The following STAT4 variants were observed in gnomAD, a reference collection of about 807,000 sequenced individuals.
STAT4 encodes the protein signal transducer and activator of transcription 4.
In STAT4, 42 loss-of-function variants were observed where a neutral mutation model predicts 110.5. That is an observed-to-expected ratio of 0.38 (90% CI 0.30 to 0.49). The LOEUF (loss-of-function observed/expected upper bound fraction) is 0.49, where lower values mean the gene tolerates loss of function less well. STAT4 is among the 20% of genes least tolerant of loss of function. The pLI is 0.95. For synonymous variants in STAT4, 284 were observed against 302.2 expected (o/e 0.94, Z 0.63); for missense variants, 632 against 887.9 (o/e 0.71, Z 3.66).
chr2:191,056,692 C>CTA (rs1392206234), intron 13 of STAT4, among the ~76,000 whole-genome samples: 1 of 151,812 alleles, frequency 6.6e-6, no homozygotes, highest in Non-Finnish European at 1.5e-5. Flanking sequence ...TATCTGTAAC[C>CTA]TATCTTTTCT....
intron 3 of STAT4, among the ~76,000 whole-genome samples, chr2:191,098,291 C>G (rs1698061966): frequency 6.6e-6 from 1 of 152,214 alleles, no homozygotes; most frequent in South Asian, 2.1e-4. Flanking sequence ...ATAAATCATT[C>G]TACTATAAAG....
intron 4 of STAT4, among the ~76,000 whole-genome samples, chr2:191,074,460 G>A (rs1212923973): frequency 6.6e-6 from 1 of 152,078 alleles, no homozygotes; most frequent in Non-Finnish European, 1.5e-5. Flanking sequence ...TTAATAACCA[G>A]CACTTCTTTT....
chr2:191,092,179 G>A (rs998603829), intron 3 of STAT4, among the ~76,000 whole-genome samples: 1 of 152,130 alleles, frequency 6.6e-6, no homozygotes, highest in Non-Finnish European at 1.5e-5. Context: ...GTTGAGGGGG[G>A]CAGATCACGA....
Position 191,029,797 on chromosome 2 carries a change from T to A in STAT4, c.*43A>T. The A allele has an allele frequency of 6.3e-7, 1 of 1,579,884 alleles. No homozygotes were observed. The highest frequency in any genetic ancestry group is 1.4e-5 in the African/African-American group (1 of 73,500). On this transcript the variant is annotated 3_prime_UTR_variant, in exon 24 of 24. Transcript: ENST00000392320. The surrounding 1 kb of genome is among the most constrained non-coding windows in gnomAD (Gnocchi z 4.5). The stretch of plus-strand genomic sequence containing the variant: ...ATTGGGCAAAGAACAGTCTTTAAAC[T>A]TTTTCATTTGCTTCCTTTCTTGGTG...
At chr2:191,105,990 C>T (rs773421166) in intron 3 of STAT4, among the ~76,000 whole-genome samples, 9 of 152,090 alleles carry the variant, frequency 5.9e-5, no homozygotes, top group South Asian at 2.1e-4. Flanking sequence ...GCTGTGAAGA[C>T]GACAGGGGAA....
rs555313166 is a variant in STAT4 at position 191,039,118 on chromosome 2, CAT to C, written c.1434+79_1434+80del. ...TCACCCCACACCCCACTGGCACACA[CAT>C]GTTTTGATGCAGATGTGTTTGTTGG... is the stretch of plus-strand genomic sequence containing the variant. On this transcript the variant is annotated intron_variant, in intron 16 of 23. Coordinates refer to ENST00000392320, the MANE Select transcript of STAT4 (RefSeq NM_003151.4). The surrounding 1 kb of genome is among the most constrained non-coding windows in gnomAD (Gnocchi z 4.7). 1.7e-4 allele frequency: 214 copies of C among 1,273,292 alleles called. 4 individuals carry two copies. The South Asian group carries it at 1.9e-3, about 11-fold the overall frequency. The allele number at this position is 1,273,292 out of a possible 1,614,324, so 78.9% of individuals were successfully genotyped here.
intron 3 of STAT4, among the ~76,000 whole-genome samples, chr2:191,089,247 A>G (rs1245673484): frequency 2.0e-5 from 3 of 152,218 alleles, no homozygotes; most frequent in African/African-American, 7.2e-5. Context: ...TGGGCCAAAT[A>G]CCATAATAGA....
intron 3 of STAT4, among the ~76,000 whole-genome samples, chr2:191,092,969 C>A (rs11693480): frequency 0.49 from 74,505 of 152,026 alleles, 20,099 homozygotes; most frequent in Non-Finnish European, 0.6. Flanking sequence ...GAGATCCACC[C>A]GCAAGGCAGC....
At chr2:191,064,137 AT>A (rs1434604167) in intron 8 of STAT4, among the ~76,000 whole-genome samples, 1 of 152,210 alleles carries the variant, frequency 6.6e-6, no homozygotes, top group Non-Finnish European at 1.5e-5. Context: ...ACCATTTGTG[AT>A]TTTTAAAAAT....
Position 191,140,927 on chromosome 2 carries a change from G to A in STAT4, c.273+5686C>T, listed in dbSNP as rs984069279. Among the ~76,000 whole-genome samples the A allele has an allele frequency of 2.0e-5, 3 of 152,150 alleles. No homozygotes were observed. The highest frequency in any genetic ancestry group is 6.5e-5 in the Admixed American group (1 of 15,278). ...CAGCCATAAAAAGGAATGAAATAATGTCTTTTGCAGCAACCTGGATAAAAC... is the reference window on the plus strand; with the variant it reads ...CAGCCATAAAAAGGAATGAAATAATATCTTTTGCAGCAACCTGGATAAAAC... On this transcript the variant is annotated intron_variant, in intron 3 of 23. Coordinates refer to ENST00000392320, the MANE Select transcript of STAT4 (RefSeq NM_003151.4). This position sits in a 1 kb window ranked among gnomAD's most constrained non-coding sequence, Gnocchi z 4.4.
At position 191,147,218 on chromosome 2, in the gene STAT4, G is replaced by T. The variant is rs1699485207; in HGVS notation, c.129-461C>A. Among the ~76,000 whole-genome samples, 1 of 152,122 alleles carries T rather than the reference G, an allele frequency of 6.6e-6. No homozygotes were observed. The highest frequency in any genetic ancestry group is 1.5e-5 in the Non-Finnish European group (1 of 68,012). On this transcript the variant is annotated intron_variant, in intron 2 of 23. Coordinates refer to ENST00000392320, the MANE Select transcript of STAT4 (RefSeq NM_003151.4). This position sits in a 1 kb window ranked among gnomAD's most constrained non-coding sequence, Gnocchi z 4.1. ...TTTGCATACCAATGTTCCTAGCAGG[G>T]TTATTAGCAATAGCCAAAATGTTTG...
At chr2:191,122,102 C>T (rs1360911625) in intron 3 of STAT4, 1 of 151,720 alleles carries the variant, frequency 6.6e-6, no homozygotes, top group Non-Finnish European at 1.5e-5. Flanking sequence ...ATGGAAATAC[C>T]TTATTCTCCA....
chr2:191,067,346 G>A (rs1435633651), intron 6 of STAT4, among the ~76,000 whole-genome samples: 4 of 152,076 alleles, frequency 2.6e-5, no homozygotes, highest in African/African-American at 9.6e-5. Flanking sequence ...GAAGCTCCCT[G>A]ATCTACCTAG....
intron 3 of STAT4, among the ~76,000 whole-genome samples, chr2:191,097,175 C>T (rs771104719): frequency 2.0e-5 from 3 of 152,112 alleles, no homozygotes; most frequent in East Asian, 1.9e-4. Context: ...GAATCAATAT[C>T]GTGAAAATGG....
chr2:191,036,493 C>G (rs757689787), intron 16 of STAT4, among the ~76,000 whole-genome samples, 194 bp from the exon 17 acceptor site: 2 of 152,100 alleles, frequency 1.3e-5, no homozygotes, highest in African/African-American at 2.4e-5. Context: ...AGGGAACAAG[C>G]GTGTCCTAAT....
rs546414304 is a variant in STAT4 at position 191,066,937 on chromosome 2, C to T, written c.545-422G>A. 6.6e-6 allele frequency among the ~76,000 whole-genome samples: 1 copy of T among 152,124 alleles called. No individual in the cohort carries two copies. The highest frequency in any genetic ancestry group is 2.1e-4 in the South Asian group (1 of 4,806). On this transcript the variant is annotated intron_variant, in intron 6 of 23. Coordinates refer to ENST00000392320, the MANE Select transcript of STAT4 (RefSeq NM_003151.4). The surrounding 1 kb of genome is among the most constrained non-coding windows in gnomAD (Gnocchi z 4.3). ...TTGACTCTCTGTTGCCTTCACATAC[C>T]CCTCCCTGCTCTGCTTCATATGCAG... is the stretch of plus-strand genomic sequence containing the variant.
At position 191,058,819 on chromosome 2, in the gene STAT4, T is replaced by A. The variant is rs1320056578; in HGVS notation, c.1035-50A>T. 9.3e-7 allele frequency: 1 copy of A among 1,081,010 alleles called. No homozygotes were observed. The allele number at this position is 1,081,010 out of a possible 1,614,324, so 67.0% of individuals were successfully genotyped here. On this transcript the variant is annotated intron_variant, in intron 10 of 23. Transcript: ENST00000392320. The surrounding 1 kb of genome is among the most constrained non-coding windows in gnomAD (Gnocchi z 4.3). ...AATCAAAGATAAAAATTAAAAGTGT[T>A]TAAAAACCCTTTTTTATATTTAAAC...
Position 191,058,872 on chromosome 2 carries a change from T to A in STAT4, c.1035-103A>T. ...TTAAATATACTATGAAATATGCATA[T>A]AAATAAACCTTACATTATCTACAGT... On this transcript the variant is annotated intron_variant, in intron 10 of 23. Transcript: ENST00000392320. This position sits in a 1 kb window ranked among gnomAD's most constrained non-coding sequence, Gnocchi z 4.3. The A allele has an allele frequency of 1.5e-6, 1 of 647,626 alleles. No homozygotes were observed. The highest frequency in any genetic ancestry group is 2.7e-6 in the Non-Finnish European group (1 of 376,094). The allele number at this position is 647,626 out of a possible 1,614,324, so 40.1% of individuals were successfully genotyped here. A position where few individuals can be genotyped will look rare whatever the true frequency, so the allele number is the denominator to read the frequency against.
chr2:191,056,261 C>T (rs1310269085), intron 13 of STAT4, among the ~76,000 whole-genome samples: 1 of 152,106 alleles, frequency 6.6e-6, no homozygotes. Flanking sequence ...GAAGGAGTAA[C>T]ATGGTTTCTG....
Sources: allele counts gnomAD v4.1 joint callset (sites outside exome capture counted in the v4.1 genomes callset), GRCh38; gene constraint gnomAD v4.1.1; non-coding constraint Gnocchi (gnomAD v3.1); transcripts MANE v1.5; gene names NCBI Gene and HGNC (gene_info 2026-07-23, HGNC 2026-07-21).